Variants in MYH11 observed in about 807,000 individuals in gnomAD.
MYH11 encodes the protein myosin-11.
In MYH11, 80 loss-of-function variants were observed where a neutral mutation model predicts 246.6. The observed-to-expected ratio is 0.32, with a 90% CI of 0.27 to 0.39. The LOEUF is 0.39. Among genes scored for constraint, MYH11 ranks in the 10% least tolerant of loss-of-function variants. The pLI, the probability that MYH11 is intolerant of heterozygous loss-of-function variation, is 1.00. For synonymous variants in MYH11, 1,071 were observed against 1,015.5 expected (o/e 1.05, Z -1.04); for missense variants, 2,158 against 2,546.8 (o/e 0.85, Z 3.29).
rs755690346 is a variant in MYH11, at chr16:15,732,580, A to T, written c.3635T>A (p.Leu1212His). Residue 1212 changes from leucine (L) to histidine (H), a missense_variant, in exon 27 of 41, where the codon CTT (leucine) becomes CAT (histidine). By Grantham distance (99) the Leu-to-His change is moderately conservative. Transcript: ENST00000300036. ...AQAVEELTEQ[L>H]EQFKRAKANL... ...AAGCATTACCCTCTTGAACTGCTCA[A>T]GCTGCTCTGTGAGCTCCTCCACCGC... 1.2e-6 allele frequency: 2 copies of T among 1,614,140 alleles called. No homozygotes were observed. The highest frequency in any genetic ancestry group is 1.7e-6 in the Non-Finnish European group (2 of 1,180,058).
chr16:15,736,558 C>G (rs1375869346), intron 25 of MYH11, among the ~76,000 whole-genome samples: 3 of 152,162 alleles, frequency 2.0e-5, no homozygotes, highest in Admixed American at 2.0e-4. Context: ...AGATTACAGG[C>G]GTGAGCCACT....
intron 24 of MYH11, among the ~76,000 whole-genome samples, chr16:15,737,863 G>A (rs141407848): frequency 6.6e-6 from 1 of 152,104 alleles, no homozygotes; most frequent in East Asian, 1.9e-4. Context: ...CGCAATCTCA[G>A]CTCACTGCAA....
At chr16:15,817,317 C>A (rs1372724580) in intron 3 of MYH11, among the ~76,000 whole-genome samples, 4 of 152,072 alleles carry the variant, frequency 2.6e-5, no homozygotes, top group Non-Finnish European at 5.9e-5. Context: ...CATGGCAAAA[C>A]CCCATCTCTA....
chr16:15,785,008 A>ATTTTTTTTTTTTTTT lies in MYH11; in HGVS notation c.633+1607_633+1621dup, dbSNP rs398028825. The ATTTTTTTTTTTTTTT allele has an allele frequency of 2.0e-4, 20 of 97,930 alleles. 2 individuals carry two copies. The highest frequency in any genetic ancestry group is 2.7e-4 in the South Asian group (1 of 3,714). 6.1% of individuals were successfully genotyped at this position (97,930 alleles called of 1,614,324 possible). ...ACACCAGGCCCAGCTAATTCTCTTG[A>ATTTTTTTTTTTTTTT]TTTTTTTTTTTTTTTTTTTTTGGTA... On this transcript the variant is annotated intron_variant, in intron 5 of 40. Coordinates refer to ENST00000300036, the MANE Select transcript of MYH11 (RefSeq NM_002474.3).
At chr16:15,835,050 C>T (rs1319380933) in intron 2 of MYH11, among the ~76,000 whole-genome samples, 1 of 147,994 alleles carries the variant, frequency 6.8e-6, no homozygotes, top group Non-Finnish European at 1.5e-5. Context: ...CACTGCACTC[C>T]AGCCTCAAAG....
rs761657319 is a variant in MYH11 at position 15,735,439 on chromosome 16, C to T, written c.3433G>A (p.Gly1145Ser). 9.9e-6 allele frequency: 16 copies of T among 1,614,076 alleles called. No individual in the cohort carries two copies. The East Asian group carries it at 1.1e-4, about 11-fold the overall frequency. ...NKAEKQKRDLGEELEALKTEL... is the reference protein window; with the variant it reads ...NKAEKQKRDLSEELEALKTEL... ...GTCTTTAGGGCCTCCAGCTCCTCGC[C>T]GAGGTCTCGCTTCTGCTTTTCAGCC... Residue 1145 changes from glycine to serine, a missense_variant, in exon 26 of 41, where the codon GGC (glycine) becomes AGC (serine). By Grantham distance (56) the Gly-to-Ser change is moderately conservative. This residue lies in a region of MYH11 where 284 missense variants were observed against 315.4 expected (regional missense o/e 0.90). Transcript: ENST00000300036.
intron 34 of MYH11, among the ~76,000 whole-genome samples, 162 bp from the exon 35 acceptor site, chr16:15,719,875 C>T (rs1257652751): frequency 2.0e-5 from 3 of 152,142 alleles, no homozygotes; most frequent in Admixed American, 6.5e-5. Context: ...GCTGGTGGTG[C>T]GCTGGGAGCA....
chr16:15,753,482 C>A lies in MYH11; in HGVS notation c.1776G>T (p.Leu592=). The change falls in exon 15 of 41, where the codon CTG becomes CTT. Residue 592 remains leucine, a synonymous_variant. Coordinates refer to ENST00000300036, the MANE Select transcript of MYH11 (RefSeq NM_002474.3). ...CATTCAGCGGGTCCATATTCTTGGT[C>A]AGCCAGGCACTCGCATTATAGTCCA... ...GKVDYNASAW[L]TKNMDPLNDN... is the part of the protein sequence containing the mutation. 6.2e-7 allele frequency: 1 copy of A among 1,614,188 alleles called. No homozygotes were observed. The highest frequency in any genetic ancestry group is 1.1e-5 in the South Asian group (1 of 91,088).
chr16:15,804,629 C>T (rs1243964965), intron 3 of MYH11, among the ~76,000 whole-genome samples: 1 of 152,208 alleles, frequency 6.6e-6, no homozygotes, highest in Non-Finnish European at 1.5e-5. Context: ...CTAAAATATT[C>T]TGTCACCCCC....
intron 4 of MYH11, chr16:15,791,973 C>T (rs2042620858): frequency 6.6e-6 from 1 of 152,106 alleles, no homozygotes; most frequent in African/African-American, 2.4e-5. Context: ...CATGCCTGAC[C>T]TTTTATATGA....
intron 1 of MYH11, among the ~76,000 whole-genome samples, chr16:15,844,555 T>A (rs2044139751): frequency 6.6e-6 from 1 of 152,112 alleles, no homozygotes; most frequent in African/African-American, 2.4e-5. Flanking sequence ...ACCCATAGAT[T>A]AAAAAATAAT....
At chr16:15,730,385 A>AG (rs1433594446) in intron 27 of MYH11, among the ~76,000 whole-genome samples, 5 of 151,416 alleles carry the variant, frequency 3.3e-5, no homozygotes, top group Non-Finnish European at 7.4e-5. Context: ...AAAAAAAAAA[A>AG]AAAAAAATTA....
In MYH11 at chr16:15,745,253, G is replaced by T. The variant is rs1402075027; in HGVS notation, c.2412-16C>A. On this transcript the variant is annotated splice_polypyrimidine_tract_variant and intron_variant, in intron 19 of 40. Transcript: ENST00000300036. Reference sequence around the variant, plus strand: ...GGCAAAAGCCCTAGGGAGGGGGGAAGAGAAGGTGCGGGGGTCATGAAGCCA... The same window carrying T: ...GGCAAAAGCCCTAGGGAGGGGGGAATAGAAGGTGCGGGGGTCATGAAGCCA... 1.9e-6 allele frequency: 3 copies of T among 1,579,668 alleles called. 1 individual carries two copies. The highest frequency in any genetic ancestry group is 3.3e-4 in the Middle Eastern group (2 of 5,974).
At chr16:15,725,271 C>T in intron 28 of MYH11, 1 of 587,700 alleles carries the variant, frequency 1.7e-6, no homozygotes, top group Non-Finnish European at 3.0e-6. Context: ...ATGGTATTGA[C>T]TGGGACCTGA....
At chr16:15,775,896 T>C in intron 8 of MYH11, 182 bp downstream of exon 8, 3 of 657,536 alleles carry the variant, frequency 4.6e-6, no homozygotes, top group Non-Finnish European at 5.5e-6. Context: ...TAAATGAGAA[T>C]GACTGAACAC....
At chr16:15,724,540 G>A in intron 30 of MYH11, 107 bp downstream of exon 30, 3 of 1,606,140 alleles carry the variant, frequency 1.9e-6, no homozygotes, top group Non-Finnish European at 2.6e-6. Context: ...GAAGCTGGGG[G>A]GTCAAGCACC....
chr16:15,710,405 CA>C (rs1160466673), intron 40 of MYH11, among the ~76,000 whole-genome samples: 1 of 152,180 alleles, frequency 6.6e-6, no homozygotes, highest in African/African-American at 2.4e-5. Flanking sequence ...CCTGTAATCT[CA>C]GCTACTTGGG....
intron 10 of MYH11, among the ~76,000 whole-genome samples, chr16:15,761,084 A>T (rs780466319): frequency 6.6e-6 from 1 of 152,152 alleles, no homozygotes; most frequent in Admixed American, 6.5e-5. Flanking sequence ...TGAGATAGAT[A>T]GATTTATTTA....
intron 10 of MYH11, among the ~76,000 whole-genome samples, chr16:15,762,757 C>T (rs2041898576): frequency 6.6e-6 from 1 of 152,262 alleles, no homozygotes; most frequent in South Asian, 2.1e-4. Flanking sequence ...CCCATGCAGC[C>T]GGCTCTGCGT....
Sources: gnomAD v4.1 joint callset for allele counts (sites outside exome capture counted in the v4.1 genomes callset) on GRCh38, gnomAD v4.1.1 for gene constraint, gnomAD v4.1.1 regional missense constraint, MANE v1.5 for transcripts, NCBI Gene and HGNC (gene_info 2026-07-23, HGNC 2026-07-21) for gene names.